The following ZNF512 variants were observed in gnomAD, a reference collection of about 807,000 sequenced individuals.
ZNF512 encodes the protein zinc finger protein 512.
Under a neutral mutation model 77.5 loss-of-function variants are expected in ZNF512, and 25 were observed. The ratio of observed to expected loss-of-function variants is 0.32; its 90% CI spans 0.23 to 0.45. The LOEUF (loss-of-function observed/expected upper bound fraction) is 0.45. Among genes scored for constraint, ZNF512 ranks in the 20% least tolerant of loss-of-function variants. The probability of loss-of-function intolerance (pLI) is 1.00; values close to 1 mark genes in which losing one functional copy is unlikely to be tolerated. For synonymous variants in ZNF512, 246 were observed against 239.9 expected (o/e 1.03, Z -0.24); for missense variants, 483 against 692.6 (o/e 0.70, Z 3.40).
chr2:27,588,935 T>C (rs192648119), intron 2 of ZNF512, among the ~76,000 whole-genome samples: 1 of 152,294 alleles, frequency 6.6e-6, no homozygotes, highest in Non-Finnish European at 1.5e-5. Context: ...GGAACGTCTT[T>C]TGTTAGGTTT....
chr2:27,597,637 G>C (rs909857293), intron 2 of ZNF512, among the ~76,000 whole-genome samples: 1 of 152,204 alleles, frequency 6.6e-6, no homozygotes, highest in Admixed American at 6.5e-5. Flanking sequence ...AGATGAGTCA[G>C]ATTAGGGCCC....
chr2:27,602,603 A>T (rs1301233123), intron 8 of ZNF512, 42 bp downstream of exon 8: 1 of 1,545,700 alleles, frequency 6.5e-7, no homozygotes, highest in East Asian at 2.3e-5. Context: ...CTGAATTCTC[A>T]GGTCAATGTC....
chr2:27,605,711 A>C (rs1341204178), intron 9 of ZNF512, among the ~76,000 whole-genome samples: 1 of 152,088 alleles, frequency 6.6e-6, no homozygotes, highest in Non-Finnish European at 1.5e-5. Flanking sequence ...CCTGGGCTAA[A>C]GTGATCTGCC....
intron 2 of ZNF512, among the ~76,000 whole-genome samples, chr2:27,592,463 C>A (rs1275595662): frequency 1.3e-5 from 2 of 151,376 alleles, no homozygotes; most frequent in Admixed American, 6.6e-5. Flanking sequence ...CTACAGGCAC[C>A]CGCTACCACA....
chr2:27,604,797 A>T (rs980213633), intron 9 of ZNF512, among the ~76,000 whole-genome samples: 6 of 152,066 alleles, frequency 3.9e-5, no homozygotes, highest in African/African-American at 1.2e-4. Context: ...CAAAAAAAAG[A>T]TGTTTTACAA....
chr2:27,583,397 G>C (rs1671198774), intron 1 of ZNF512: 2 of 1,417,756 alleles, frequency 1.4e-6, no homozygotes, highest in Admixed American at 2.8e-5. Context: ...TCTCATATCC[G>C]TTGTCTTTTC....
rs1673193942 is a variant in ZNF512 at position 27,623,184 on chromosome 2, T to G, written c.*1723T>G. The G allele has an allele frequency of 6.6e-6, 1 of 152,392 alleles. No individual in the cohort carries two copies. The highest frequency in any genetic ancestry group is 2.1e-4 in the South Asian group (1 of 4,832). The allele number at this position is 152,392 out of a possible 1,614,324, so 9.4% of individuals were successfully genotyped here. On this transcript the variant is annotated 3_prime_UTR_variant, in exon 14 of 14. Coordinates refer to ENST00000355467, the MANE Select transcript of ZNF512 (RefSeq NM_032434.4). Reference sequence around the variant, plus strand: ...AAGATGGCTAGAGATGGGGGTGAGTTTGAAATAAATTCCACATGCAGTTGT... The same window carrying G: ...AAGATGGCTAGAGATGGGGGTGAGTGTGAAATAAATTCCACATGCAGTTGT...
intron 4 of ZNF512, 89 bp downstream of exon 4, chr2:27,599,767 C>A: frequency 7.9e-7 from 1 of 1,260,434 alleles, no homozygotes; most frequent in Non-Finnish European, 1.1e-6. Context: ...TAGTTTGAGC[C>A]CTTCAGTGAC....
At position 27,621,456 on chromosome 2, in the gene ZNF512, A is replaced by AAAT. The variant is rs1418843905; in HGVS notation, c.1701_1703dup (p.Ter568delinsTer). On this transcript the variant is annotated stop_gained and inframe_insertion, in exon 14 of 14. Coordinates refer to ENST00000355467, the MANE Select transcript of ZNF512 (RefSeq NM_032434.4). LOFTEE classifies it high-confidence loss of function. Reference sequence around the variant, plus strand: ...AAAGACTAATCATAAACGAGGAAGGAAATAGGCAGTCAGTGTAAAAGTGCT... The same window carrying AAAT: ...AAAGACTAATCATAAACGAGGAAGGAAATAATAGGCAGTCAGTGTAAAAGTGCT... 8 of 1,608,078 alleles carry AAAT rather than the reference A, an allele frequency of 5.0e-6. No individual in the cohort carries two copies. In the African/African-American group the frequency reaches 6.7e-5, roughly 13 times the overall value.
intron 8 of ZNF512, among the ~76,000 whole-genome samples, chr2:27,602,852 AT>A (rs1211859835): frequency 6.6e-6 from 1 of 151,884 alleles, no homozygotes; most frequent in Non-Finnish European, 1.5e-5. Flanking sequence ...GGTATTTGAT[AT>A]TGGGATGGGG....
Position 27,602,509 on chromosome 2 carries a change from A to G in ZNF512, c.716A>G (p.Glu239Gly). ...GAAATAGATGAGCCAAGTGAGAGGG[A>G]AAGGCTCCGAACAGTTCTAAAGAGA... ...GDEIDEPSERERLRTVLKRLG... is the reference protein window; with the variant it reads ...GDEIDEPSERGRLRTVLKRLG... The change falls in exon 8 of 14, where the codon GAA (glutamate) becomes GGA (glycine). Residue 239 changes from glutamate to glycine, a missense_variant. Glu to Gly is a moderately conservative substitution (Grantham distance 98). This residue lies in a region of ZNF512 where 324 missense variants were observed against 525.0 expected (regional missense o/e 0.62). Transcript: ENST00000355467. The G allele has an allele frequency of 6.2e-7, 1 of 1,614,012 alleles. No homozygotes were observed. Among genetic ancestry groups the G allele is most frequent in the Non-Finnish European group, 8.5e-7 (1 of 1,179,974 alleles).
intron 2 of ZNF512, among the ~76,000 whole-genome samples, chr2:27,592,257 C>G (rs1288209777): frequency 6.6e-6 from 1 of 152,106 alleles, no homozygotes; most frequent in African/African-American, 2.4e-5. Flanking sequence ...TCCTAAAGTG[C>G]TGGGATTACA....
chr2:27,595,460 G>A (rs1043408639), intron 2 of ZNF512, among the ~76,000 whole-genome samples: 2 of 152,112 alleles, frequency 1.3e-5, no homozygotes, highest in Admixed American at 6.5e-5. Flanking sequence ...GAGTAGCTGA[G>A]ATTACAGGCA....
At chr2:27,606,302 A>G (rs898440393) in intron 9 of ZNF512, among the ~76,000 whole-genome samples, 21 of 150,386 alleles carry the variant, frequency 1.4e-4, no homozygotes, top group African/African-American at 4.6e-4. Flanking sequence ...GTATTTTTTC[A>G]TTTATGGATA....
chr2:27,598,310 G>C, intron 3 of ZNF512, 56 bp downstream of exon 3: 1 of 1,545,832 alleles, frequency 6.5e-7, no homozygotes, highest in Non-Finnish European at 8.8e-7. Flanking sequence ...GTTATAGTTT[G>C]AGATTGTTAT....
intron 2 of ZNF512, 121 bp from the exon 3 acceptor site, chr2:27,597,946 G>T (rs1307209070): frequency 4.5e-6 from 3 of 661,518 alleles, no homozygotes; most frequent in African/African-American, 1.8e-5. Context: ...CTTACATTCT[G>T]TTTTTATAGC....
intron 10 of ZNF512, among the ~76,000 whole-genome samples, chr2:27,613,237 C>T (rs1672741305): frequency 6.6e-6 from 1 of 152,098 alleles, no homozygotes; most frequent in Non-Finnish European, 1.5e-5. Context: ...GTGGCTCACA[C>T]CTGTAATCCC....
intron 1 of ZNF512, 87 bp from the exon 2 acceptor site, chr2:27,583,571 A>G: frequency 6.4e-7 from 1 of 1,559,598 alleles, no homozygotes; most frequent in South Asian, 1.2e-5. Context: ...GGAGAACTTC[A>G]TTTCTTCTGG....
intron 5 of ZNF512, 107 bp downstream of exon 5, chr2:27,600,160 A>G (rs1372905020): frequency 1.6e-6 from 2 of 1,259,398 alleles, no homozygotes; most frequent in Non-Finnish European, 2.3e-6. Flanking sequence ...TTAAGGAGGC[A>G]GTTACTAAGG....
Sources: allele counts gnomAD v4.1 joint callset (sites outside exome capture counted in the v4.1 genomes callset), GRCh38; gene constraint gnomAD v4.1.1; regional missense constraint gnomAD v4.1.1; transcripts MANE v1.5; gene names NCBI Gene and HGNC (gene_info 2026-07-23, HGNC 2026-07-21).